The following MORC2 variants were observed in gnomAD, a reference collection of about 807,000 sequenced individuals.
The protein encoded by MORC2 is ATPase MORC2.
In MORC2, 30 loss-of-function variants were observed where a neutral mutation model predicts 136.0. That is an observed-to-expected ratio of 0.22 (90% CI 0.17 to 0.30). MORC2 has a LOEUF of 0.30. Among genes scored for constraint, MORC2 ranks in the 10% least tolerant of loss-of-function variants. The pLI, the probability that MORC2 is intolerant of heterozygous loss-of-function variation, is 1.00. For synonymous variants in MORC2, 439 were observed against 487.0 expected, an observed-to-expected ratio of 0.90 and a Z score of 1.30; for missense variants, 922 against 1,333.1, an observed-to-expected ratio of 0.69 and a Z score of 4.80.
chr22:30,952,951 G>C (rs2040912946), intron 3 of MORC2, among the ~76,000 whole-genome samples: 1 of 152,228 alleles, frequency 6.6e-6, no homozygotes, highest in Non-Finnish European at 1.5e-5. Context: ...ATTATCCAAA[G>C]AGCTTGTGAA....
In MORC2 at chr22:30,932,545, C is replaced by T. The variant is rs974685925; in HGVS notation, c.2747G>A (p.Arg916Gln). 2.5e-6 allele frequency: 4 copies of T among 1,614,024 alleles called. No individual in the cohort carries two copies. Among genetic ancestry groups the T allele is most frequent in the Non-Finnish European group, 3.4e-6 (4 of 1,179,984 alleles). The stretch of plus-strand genomic sequence containing the variant: ...GTGGGAAGACAAAAGACACATGTAC[C>T]GGAGGATCTGGACAAGCAGGTCGAT... Reference protein sequence around the residue: ...ETIDLLVQILRNCLRYFLPPS... With the variant: ...ETIDLLVQILQNCLRYFLPPS... The change falls in exon 23 of 26, where the codon CGG becomes CAG. Residue 916 changes from arginine (R) to glutamine (Q), a missense_variant and splice_region_variant. Around this residue, in one of 9 missense-constraint regions of MORC2, gnomAD observed 263 missense variants for 388.3 expected, o/e 0.68. Transcript: ENST00000397641. This position sits in a 1 kb window ranked among gnomAD's most constrained non-coding sequence, Gnocchi z 4.4.
At chr22:30,931,659 C>T (rs1039194246) in intron 24 of MORC2, among the ~76,000 whole-genome samples, 27 of 152,214 alleles carry the variant, frequency 1.8e-4, no homozygotes, top group African/African-American at 6.3e-4. Flanking sequence ...CACAGGCAGG[C>T]ACTTGGCAAA....
rs1602482166 is a variant in MORC2 at position 30,935,157 on chromosome 22, G to A, written c.1817C>T (p.Pro606Leu). 2 of 1,611,828 alleles carry A rather than the reference G, an allele frequency of 1.2e-6. No homozygotes were observed. Among genetic ancestry groups the A allele is most frequent in the Non-Finnish European group, 1.7e-6 (2 of 1,178,916 alleles). ...CCGAGGACGCTGAGGTCTACGCACA[G>A]GTTCCTAAAAAAAGGCCCACAGAGA... ...EVTTRPSTEE[P>L]VRRPQRPRSP... is the part of the protein sequence containing the mutation. The change falls in exon 19 of 26, where the codon CCT (proline) becomes CTT (leucine). Residue 606 changes from proline (P) to leucine (L), a missense_variant. Around this residue, in one of 9 missense-constraint regions of MORC2, gnomAD observed 184 missense variants for 180.3 expected, o/e 1.02. Transcript: ENST00000397641.
At chr22:30,935,954 T>C (rs560985333) in intron 17 of MORC2, among the ~76,000 whole-genome samples, 1 of 152,356 alleles carries the variant, frequency 6.6e-6, no homozygotes, top group South Asian at 2.1e-4. Context: ...CATATACTGC[T>C]GGTAAATAAT....
chr22:30,929,300 A>T (rs529701163), intron 24 of MORC2, among the ~76,000 whole-genome samples: 1 of 152,228 alleles, frequency 6.6e-6, no homozygotes, highest in Non-Finnish European at 1.5e-5. Context: ...AGATTCACAT[A>T]TAATTGTTAC....
intron 12 of MORC2, 30 bp downstream of exon 12, chr22:30,939,591 A>G (rs1353144083): frequency 1.2e-6 from 2 of 1,607,908 alleles, no homozygotes; most frequent in Non-Finnish European, 1.7e-6. Flanking sequence ...ACGTCAGTTT[A>G]AAAGATCCAA....
chr22:30,946,352 C>T lies in MORC2; in HGVS notation c.415G>A (p.Gly139Ser). ...ATGATGGGACCTACTTCATCAATGCCTTCTTCCTCATGAAACGTGCGAGAC... is the reference window on the plus strand; with the variant it reads ...ATGATGGGACCTACTTCATCAATGCTTTCTTCCTCATGAAACGTGCGAGAC... ...FLSRTFHEEE[G>S]IDEVIVPLPT... The change falls in exon 6 of 26, where the codon GGC (glycine) becomes AGC (serine). Residue 139 changes from glycine to serine, a missense_variant. Physicochemically the swap from Gly to Ser is moderately conservative, Grantham distance 56 (BLOSUM62 0). Coordinates refer to ENST00000397641, the MANE Select transcript of MORC2 (RefSeq NM_001303256.3). 1.2e-6 allele frequency: 2 copies of T among 1,608,884 alleles called. No individual in the cohort carries two copies. The highest frequency in any genetic ancestry group is 1.7e-6 in the Non-Finnish European group (2 of 1,177,226).
chr22:30,942,775 T>C (rs2040760243), intron 6 of MORC2, among the ~76,000 whole-genome samples: 1 of 151,830 alleles, frequency 6.6e-6, no homozygotes, highest in Non-Finnish European at 1.5e-5. Context: ...GAGGCTGAGG[T>C]GGATGGACTG....
intron 1 of MORC2, among the ~76,000 whole-genome samples, chr22:30,962,581 C>G (rs924900913): frequency 2.3e-4 from 33 of 145,428 alleles, no homozygotes; most frequent in African/African-American, 8.4e-4. Context: ...GCTGAAAGAG[C>G]CAGACCCTGT....
Position 30,941,987 on chromosome 22 carries a change from A to G in MORC2, c.602T>C (p.Ile201Thr). ...IPGDSGTLVI[I>T]FNLKLMDNGE... ...ATTATCCATGAGTTTGAGATTGAAG[A>G]TGATCACCAATGTTCCTGAGAAACA... Residue 201 changes from isoleucine (I) to threonine (T), a missense_variant, in exon 8 of 26, where the codon ATC becomes ACC. Ile to Thr is a moderately conservative substitution (Grantham distance 89, BLOSUM62 -1). This residue lies in a region of MORC2 where 261 missense variants were observed against 354.3 expected (regional missense o/e 0.74). Coordinates refer to ENST00000397641, the MANE Select transcript of MORC2 (RefSeq NM_001303256.3). The surrounding 1 kb of genome is among the most constrained non-coding windows in gnomAD (Gnocchi z 4.6). 6.2e-7 allele frequency: 1 copy of G among 1,613,442 alleles called. No homozygotes were observed. Among genetic ancestry groups the G allele is most frequent in the East Asian group, 2.2e-5 (1 of 44,874 alleles).
At chr22:30,929,732 G>A (rs1165023422) in intron 24 of MORC2, 1 of 152,146 alleles carries the variant, frequency 6.6e-6, no homozygotes, top group Non-Finnish European at 1.5e-5. Context: ...CTGCACTCTA[G>A]TCTGGGCAAC....
rs1254111017 is a variant in MORC2, at chr22:30,932,921, G to A, written c.2490C>T (p.Tyr830=). 2.5e-6 allele frequency: 4 copies of A among 1,614,130 alleles called. No individual in the cohort carries two copies. Among genetic ancestry groups the A allele is most frequent in the Non-Finnish European group, 3.4e-6 (4 of 1,180,010 alleles). ...HVVRWKVKFD[Y]VPTDTTPRDR... ...CTCTTGGTGTCGTGTCTGTGGGCACGTAGTCAAACTTCACCTTCCACCGCA... is the reference window on the plus strand; with the variant it reads ...CTCTTGGTGTCGTGTCTGTGGGCACATAGTCAAACTTCACCTTCCACCGCA... The change falls in exon 22 of 26, where the codon TAC becomes TAT. Residue 830 remains tyrosine (Y), a synonymous_variant. Coordinates refer to ENST00000397641, the MANE Select transcript of MORC2 (RefSeq NM_001303256.3). This position sits in a 1 kb window ranked among gnomAD's most constrained non-coding sequence, Gnocchi z 4.4.
At chr22:30,953,475 A>G (rs1054977817) in intron 3 of MORC2, among the ~76,000 whole-genome samples, 1 of 152,254 alleles carries the variant, frequency 6.6e-6, no homozygotes, top group Admixed American at 6.5e-5. Context: ...AAAGAAAGAA[A>G]GCAGGAAAAG....
In MORC2 at chr22:30,950,394, C is replaced by T; in HGVS notation, c.209G>A (p.Gly70Glu). Reference sequence around the variant, plus strand: ...TCACTTACTTGGATCCATTCCTGCTCCATCATCCAAAAAGCAAAGCATAAA... The same window carrying T: ...TCACTTACTTGGATCCATTCCTGCTTCATCATCCAAAAAGCAAAGCATAAA... ...GGFMLCFLDD[G>E]AGMDPSDAAS... The change falls in exon 4 of 26, where the codon GGA (glycine) becomes GAA (glutamate). Residue 70 changes from glycine (G) to glutamate (E), a missense_variant. Physicochemically the swap from Gly to Glu is moderately conservative, Grantham distance 98. Transcript: ENST00000397641. 6.7e-7 allele frequency: 1 copy of T among 1,498,092 alleles called. No homozygotes were observed. Among genetic ancestry groups the T allele is most frequent in the Non-Finnish European group, 9.0e-7 (1 of 1,109,606 alleles). 92.8% of individuals were successfully genotyped at this position (1,498,092 alleles called of 1,614,324 possible).
chr22:30,949,398 C>T (rs1456168917), intron 5 of MORC2, among the ~76,000 whole-genome samples: 1 of 152,098 alleles, frequency 6.6e-6, no homozygotes, highest in Non-Finnish European at 1.5e-5. Context: ...GTAAGGTGAC[C>T]CCTTCATCAT....
chr22:30,964,095 G>C (rs2041089440), intron 1 of MORC2, among the ~76,000 whole-genome samples: 1 of 152,080 alleles, frequency 6.6e-6, no homozygotes, highest in African/African-American at 2.4e-5. Context: ...CAGTGGCTCA[G>C]ATCTGTAATC....
At position 30,933,583 on chromosome 22, in the gene MORC2, A is replaced by G. The variant is rs533732779; in HGVS notation, c.2326-63T>C. 102 of 1,544,564 alleles carry G rather than the reference A, an allele frequency of 6.6e-5. 1 individual carries two copies. In the Admixed American group the frequency reaches 9.4e-4, roughly 14 times the overall value. ...CCCCCCAAGAGCAGACTTGTGCCTTACTGGCCACCCGGGGTCATCAGCCAT... is the reference window on the plus strand; with the variant it reads ...CCCCCCAAGAGCAGACTTGTGCCTTGCTGGCCACCCGGGGTCATCAGCCAT... On this transcript the variant is annotated intron_variant, in intron 20 of 25. Coordinates refer to ENST00000397641, the MANE Select transcript of MORC2 (RefSeq NM_001303256.3).
intron 6 of MORC2, 133 bp downstream of exon 6, chr22:30,946,208 C>T (rs930425317): frequency 3.3e-6 from 2 of 610,274 alleles, no homozygotes; most frequent in African/African-American, 1.8e-5. Flanking sequence ...CAGCTAACTG[C>T]ATAACAATTA....
chr22:30,926,955 G>A (rs1183915765), intron 25 of MORC2, 84 bp from the exon 26 acceptor site: 1 of 1,208,010 alleles, frequency 8.3e-7, no homozygotes, highest in African/African-American at 1.5e-5. Flanking sequence ...CAGCTCCTGG[G>A]ATGGAGCCCA....
Sources: gnomAD v4.1 joint callset for allele counts (sites outside exome capture counted in the v4.1 genomes callset) on GRCh38, gnomAD v4.1.1 for gene constraint, gnomAD v4.1.1 regional missense constraint, Gnocchi (gnomAD v3.1) non-coding constraint, MANE v1.5 for transcripts, NCBI Gene and HGNC (gene_info 2026-07-23, HGNC 2026-07-21) for gene names.